PLCL1: variants seen among roughly 807,000 people sequenced by gnomAD.
PLCL1 encodes the protein inactive phospholipase C-like protein 1.
Under a neutral mutation model 84.4 loss-of-function variants are expected in PLCL1, and 41 were observed. The observed-to-expected ratio is 0.49, with a 90% CI of 0.38 to 0.63. The LOEUF is 0.63. Ranked by LOEUF, PLCL1 falls within the 30% of genes least tolerant of loss-of-function variation. PLCL1 has a pLI of 0.00. For missense variants in PLCL1, 1,206 were observed against 1,367.8 expected (o/e 0.88, Z 1.87); for synonymous variants, 490 against 488.3 (o/e 1.00, Z -0.05).
In PLCL1 at chr2:198,086,242, ACACT is replaced by A; in HGVS notation, c.2715+14_2715+17del. The stretch of plus-strand genomic sequence containing the variant: ...GAGAGAAAATATGCAGGTAGGAGAA[ACACT>A]CACACTCTCCTTCCCTATCCCTGCT... On this transcript the variant is annotated intron_variant, in intron 2 of 5. Coordinates refer to ENST00000428675, the MANE Select transcript of PLCL1 (RefSeq NM_006226.4). 6.6e-7 allele frequency: 1 copy of A among 1,517,036 alleles called. No homozygotes were observed. Among genetic ancestry groups the A allele is most frequent in the Non-Finnish European group, 9.1e-7 (1 of 1,101,836 alleles). The allele number at this position is 1,517,036 out of a possible 1,614,324, so 94.0% of individuals were successfully genotyped here.
rs374043219 is a variant in PLCL1, at chr2:197,924,737, T to TG, written c.240+119405dup. On this transcript the variant is annotated intron_variant, in intron 1 of 5. Coordinates refer to ENST00000428675, the MANE Select transcript of PLCL1 (RefSeq NM_006226.4). ...AGTTGAATTTAGCATCCTTCTTATC[T>TG]GGGGGGGTCATGAGTAGGAACGTAT... 5.3e-5 allele frequency among the ~76,000 whole-genome samples: 8 copies of TG among 151,932 alleles called. No homozygotes were observed. The East Asian group carries it at 5.8e-4, about 11-fold the overall frequency.
chr2:198,146,790 A>G lies in PLCL1; in HGVS notation c.3116A>G (p.Asp1039Gly), dbSNP rs765951358. ...WNITVLKGQG[D>G]LLKNAKNEAI... ...TTTTTCTGTTTGTAGGGCCAAGGAG[A>G]TCTGTTGAAGAATGCCAAGAATGAA... The change falls in exon 6 of 6, where the codon GAT becomes GGT. Residue 1039 changes from aspartate (D) to glycine (G), a missense_variant. Physicochemically the swap from Asp to Gly is moderately conservative, Grantham distance 94 (BLOSUM62 -1). Coordinates refer to ENST00000428675, the MANE Select transcript of PLCL1 (RefSeq NM_006226.4). The G allele has an allele frequency of 3.7e-6, 6 of 1,611,622 alleles. No individual in the cohort carries two copies. Among genetic ancestry groups the G allele is most frequent in the Non-Finnish European group, 5.1e-6 (6 of 1,178,926 alleles).
chr2:197,936,417 C>T (rs1574957769), intron 1 of PLCL1, among the ~76,000 whole-genome samples: 2 of 152,140 alleles, frequency 1.3e-5, no homozygotes, highest in East Asian at 3.9e-4. Context: ...CATATCTTTC[C>T]AGCACTTATC....
chr2:198,084,062 A>G lies in PLCL1; in HGVS notation c.545A>G (p.Asp182Gly), dbSNP rs772701932. 6.2e-7 allele frequency: 1 copy of G among 1,614,206 alleles called. No homozygotes were observed. Among genetic ancestry groups the G allele is most frequent in the Admixed American group, 1.7e-5 (1 of 60,024 alleles). The change falls in exon 2 of 6, where the codon GAC (aspartate) becomes GGC (glycine). Residue 182 changes from aspartate to glycine, a missense_variant. By Grantham distance (94) the Asp-to-Gly change is moderately conservative. Transcript: ENST00000428675. Reference sequence around the variant, plus strand: ...ACATTTAGAAACAATGGCCTTGCTGACCAGATCTGTGAGGACTGTGCCTTT... The same window carrying G: ...ACATTTAGAAACAATGGCCTTGCTGGCCAGATCTGTGAGGACTGTGCCTTT... ...TETFRNNGLA[D>G]QICEDCAFSI...
intron 1 of PLCL1, among the ~76,000 whole-genome samples, chr2:198,040,056 T>C (rs1385897944): frequency 2.0e-5 from 3 of 152,234 alleles, no homozygotes; most frequent in Admixed American, 1.3e-4. Context: ...CAATAAATTA[T>C]GTCTTAAATA....
chr2:198,141,618 C>A (rs571318518), intron 5 of PLCL1, among the ~76,000 whole-genome samples: 103 of 152,178 alleles, frequency 6.8e-4, no homozygotes, highest in African/African-American at 2.3e-3. Context: ...AGAGTCCCAA[C>A]GGATGGTTTT....
chr2:198,055,421 A>G (rs556747749), intron 1 of PLCL1, among the ~76,000 whole-genome samples: 2 of 150,514 alleles, frequency 1.3e-5, no homozygotes, highest in Admixed American at 1.3e-4. Flanking sequence ...GGAGTATTAC[A>G]TTACATCTAA....
intron 1 of PLCL1, among the ~76,000 whole-genome samples, chr2:197,966,241 G>A (rs1689730465): frequency 6.6e-6 from 1 of 151,968 alleles, no homozygotes; most frequent in African/African-American, 2.4e-5. Flanking sequence ...TGTGGTTGTG[G>A]AAGAGATGGT....
intron 1 of PLCL1, among the ~76,000 whole-genome samples, chr2:197,939,429 T>C (rs983694108): frequency 6.6e-6 from 1 of 152,174 alleles, no homozygotes; most frequent in African/African-American, 2.4e-5. Flanking sequence ...CTGGGTGACT[T>C]AAACGACAGA....
chr2:197,890,216 TATATC>T (rs1303184373), intron 1 of PLCL1, among the ~76,000 whole-genome samples: 2 of 152,214 alleles, frequency 1.3e-5, no homozygotes, highest in Non-Finnish European at 2.9e-5. Context: ...AAAATTGAGC[TATATC>T]ATTTCCACTG....
intron 1 of PLCL1, among the ~76,000 whole-genome samples, chr2:198,082,040 A>T (rs1692726379): frequency 6.6e-6 from 1 of 152,110 alleles, no homozygotes; most frequent in African/African-American, 2.4e-5. Flanking sequence ...TCTATATAAC[A>T]CCCAATATCC....
intron 1 of PLCL1, among the ~76,000 whole-genome samples, chr2:197,807,942 G>A (rs548185014): frequency 6.6e-6 from 1 of 152,274 alleles, no homozygotes; most frequent in Non-Finnish European, 1.5e-5. Flanking sequence ...AATGTTTTTA[G>A]TAAATTTGCC....
At chr2:198,074,542 A>G (rs1692534063) in intron 1 of PLCL1, among the ~76,000 whole-genome samples, 1 of 152,176 alleles carries the variant, frequency 6.6e-6, no homozygotes, top group Admixed American at 6.6e-5. Context: ...AAAAACTGAA[A>G]AGTCGAGAAT....
intron 1 of PLCL1, among the ~76,000 whole-genome samples, chr2:198,029,605 C>A (rs1691357826): frequency 6.6e-6 from 1 of 152,138 alleles, no homozygotes; most frequent in African/African-American, 2.4e-5. Context: ...AAATGGGAGA[C>A]TTAAGAGCCT....
chr2:198,021,148 A>G (rs113416612), intron 1 of PLCL1, among the ~76,000 whole-genome samples: 30,911 of 152,156 alleles, frequency 0.2, 3,245 homozygotes, highest in East Asian at 0.26. Context: ...CTGAATGACT[A>G]CTGGGTAAAT....
intron 5 of PLCL1, among the ~76,000 whole-genome samples, chr2:198,143,118 A>G (rs1350316858): frequency 2.0e-5 from 3 of 152,160 alleles, no homozygotes; most frequent in Non-Finnish European, 4.4e-5. Context: ...CTTTAAATAT[A>G]TACTATAGAC....
chr2:198,085,718 C>T lies in PLCL1; in HGVS notation c.2201C>T (p.Pro734Leu), dbSNP rs1236530633. The change falls in exon 2 of 6, where the codon CCA becomes CTA. Residue 734 changes from proline to leucine, a missense_variant. Transcript: ENST00000428675. This position sits in a 1 kb window ranked among gnomAD's most constrained non-coding sequence, Gnocchi z 5.3. ...AAGATCATCAGTGGTCAGAATTTCC[C>T]AAAGCCCAAGGGAGCTTGTGCCAAA... ...HIKIISGQNF[P>L]KPKGACAKGD... 2.5e-6 allele frequency: 4 copies of T among 1,613,994 alleles called. No homozygotes were observed.
At chr2:198,052,576 ATT>A (rs1691964861) in intron 1 of PLCL1, among the ~76,000 whole-genome samples, 1 of 152,110 alleles carries the variant, frequency 6.6e-6, no homozygotes, top group Admixed American at 6.5e-5. Context: ...TTTTGGAAGC[ATT>A]ATTTCAGCAC....
chr2:198,053,798 T>C (rs1291983216), intron 1 of PLCL1, among the ~76,000 whole-genome samples: 4 of 152,156 alleles, frequency 2.6e-5, no homozygotes, highest in Non-Finnish European at 5.9e-5. Context: ...AATAAAGCAA[T>C]TCAGATAATT....
Sources: gnomAD v4.1 joint callset for allele counts (sites outside exome capture counted in the v4.1 genomes callset) on GRCh38, gnomAD v4.1.1 for gene constraint, Gnocchi (gnomAD v3.1) non-coding constraint, MANE v1.5 for transcripts, NCBI Gene and HGNC (gene_info 2026-07-23, HGNC 2026-07-21) for gene names.